APPBP2: variants seen among roughly 807,000 people sequenced by gnomAD.
APPBP2 encodes amyloid protein-binding protein 2.
APPBP2 carries 15 observed loss-of-function variants against 76.0 expected under a neutral mutation model. That is an observed-to-expected ratio of 0.20 (90% CI 0.13 to 0.30). The LOEUF (loss-of-function observed/expected upper bound fraction) is 0.30, where lower values mean the gene tolerates loss of function less well. APPBP2 is among the 10% of genes least tolerant of loss of function. APPBP2 has a pLI of 1.00. For synonymous variants in APPBP2, 222 were observed against 242.2 expected, an observed-to-expected ratio of 0.92 and a Z score of 0.77; for missense variants, 401 against 687.2, an observed-to-expected ratio of 0.58 and a Z score of 4.66.
Position 60,489,095 on chromosome 17 carries a change from G to A in APPBP2, c.379+5371C>T, listed in dbSNP as rs905717836. 3.3e-4 allele frequency among the ~76,000 whole-genome samples: 50 copies of A among 152,028 alleles called. 1 individual carries two copies. Among genetic ancestry groups the A allele is most frequent in the African/African-American group, 1.1e-3 (47 of 41,482 alleles). ...AAATTAGCTGGGTATGGTGGCAGGT[G>A]CCTATAATCCCAGCTACTCGGGAGG... On this transcript the variant is annotated intron_variant, in intron 3 of 12. Transcript: ENST00000083182.
chr17:60,490,038 A>AT (rs1391766001), intron 3 of APPBP2, among the ~76,000 whole-genome samples: 1 of 115,310 alleles, frequency 8.7e-6, no homozygotes, highest in African/African-American at 1.2e-4. Context: ...CCATCTCAGA[A>AT]AACAAAACAA....
chr17:60,521,772 T>C (rs1002322067), intron 1 of APPBP2, among the ~76,000 whole-genome samples: 2 of 150,346 alleles, frequency 1.3e-5, no homozygotes, highest in African/African-American at 5.0e-5. Context: ...CTTAAAACAT[T>C]ATGAGATTTT....
At chr17:60,525,657 G>A (rs983538893) in intron 1 of APPBP2, 137 bp downstream of exon 1, 26 of 1,354,036 alleles carry the variant, frequency 1.9e-5, no homozygotes, top group African/African-American at 1.0e-4. Context: ...TGGCAATGCA[G>A]ACACCGCACC....
chr17:60,489,123 G>A (rs1337220606), intron 3 of APPBP2, among the ~76,000 whole-genome samples: 5 of 152,062 alleles, frequency 3.3e-5, no homozygotes, highest in Non-Finnish European at 7.4e-5. Flanking sequence ...TCGGGAGGCT[G>A]AGGCAGGAGA....
intron 3 of APPBP2, among the ~76,000 whole-genome samples, chr17:60,492,929 C>T (rs2090741842): frequency 6.6e-6 from 1 of 152,156 alleles, no homozygotes; most frequent in Non-Finnish European, 1.5e-5. Flanking sequence ...GCTGTGTCCC[C>T]ACCCAAATCT....
At position 60,494,400 on chromosome 17, in the gene APPBP2, C is replaced by A. The variant is rs182518745; in HGVS notation, c.379+66G>T. On this transcript the variant is annotated intron_variant, in intron 3 of 12. Transcript: ENST00000083182. ...ACTTTGGGAAAGCCCTGGAAGAATT[C>A]TTTGTTAGCAGATTTAATTCTGAGT... 8.3e-6 allele frequency: 13 copies of A among 1,557,742 alleles called. No homozygotes were observed. The African/African-American group carries it at 1.4e-4, about 17-fold the overall frequency.
chr17:60,503,061 G>A (rs1382314827), intron 1 of APPBP2, among the ~76,000 whole-genome samples: 1 of 132,832 alleles, frequency 7.5e-6, no homozygotes, highest in African/African-American at 3.4e-5. Context: ...TCACCAGGTT[G>A]GAGTGCAGTG....
chr17:60,447,849 A>G lies in APPBP2; in HGVS notation c.1505-15T>C. On this transcript the variant is annotated splice_polypyrimidine_tract_variant and intron_variant, in intron 12 of 12. Transcript: ENST00000083182. ...AAGTTTCTTCCCTGTAACAAAAAAG[A>G]AAAAGGAAAAAAAAAAAAGCACAAA... The G allele has an allele frequency of 1.3e-6, 2 of 1,552,612 alleles. No homozygotes were observed. The highest frequency in any genetic ancestry group is 2.4e-5 in the South Asian group (2 of 82,354).
At chr17:60,457,012 C>A (rs2090436287) in intron 9 of APPBP2, among the ~76,000 whole-genome samples, 1 of 151,874 alleles carries the variant, frequency 6.6e-6, no homozygotes, top group Admixed American at 6.6e-5. Flanking sequence ...GTGGTGAACG[C>A]CTGTAATCCC....
At chr17:60,479,078 T>TAAGA (rs2090611058) in intron 4 of APPBP2, 70 bp downstream of exon 4, 1 of 1,474,568 alleles carries the variant, frequency 6.8e-7, no homozygotes, top group Admixed American at 2.2e-5. Flanking sequence ...CATATACTTA[T>TAAGA]AAGAGCTAAA....
At chr17:60,459,600 G>A (rs2090461581) in intron 9 of APPBP2, 1 of 145,942 alleles carries the variant, frequency 6.9e-6, no homozygotes, top group Non-Finnish European at 1.5e-5. Context: ...TCAAGCAATT[G>A]TCTGCCTCAG....
At chr17:60,512,262 C>G (rs2090920178) in intron 1 of APPBP2, among the ~76,000 whole-genome samples, 1 of 151,904 alleles carries the variant, frequency 6.6e-6, no homozygotes, top group Non-Finnish European at 1.5e-5. Flanking sequence ...ACCACCACGC[C>G]CAGCTAATTT....
intron 6 of APPBP2, among the ~76,000 whole-genome samples, chr17:60,462,930 G>A (rs1311766553): frequency 6.1e-5 from 8 of 131,646 alleles, no homozygotes; most frequent in Non-Finnish European, 1.2e-4. Context: ...CAGCCTGGGC[G>A]ACAGCAAGAC....
intron 1 of APPBP2, among the ~76,000 whole-genome samples, chr17:60,525,504 G>T (rs972899211): frequency 1.3e-5 from 2 of 152,266 alleles, no homozygotes; most frequent in South Asian, 4.1e-4. Flanking sequence ...ACAGGGGCGC[G>T]ATAGAGTAAG....
intron 1 of APPBP2, chr17:60,513,457 A>T (rs973754322): frequency 3.2e-6 from 2 of 616,762 alleles, no homozygotes; most frequent in Non-Finnish European, 6.0e-6. Context: ...TTGTACTATA[A>T]TGCCAACAGG....
rs2090335073 is a variant in APPBP2 at position 60,445,090 on chromosome 17, A to G, written c.*2491T>C. 1 of 152,330 alleles carries G rather than the reference A, an allele frequency of 6.6e-6. No homozygotes were observed. The highest frequency in any genetic ancestry group is 1.5e-5 in the Non-Finnish European group (1 of 68,026). The allele number at this position is 152,330 out of a possible 1,614,324, so 9.4% of individuals were successfully genotyped here. A position where few individuals can be genotyped will look rare whatever the true frequency, so the allele number is the denominator to read the frequency against. ...AATCTTACACTTAAAGTCATAGGGTATTATTCTTCATTAGAACCAGAAATA... is the reference window on the plus strand; with the variant it reads ...AATCTTACACTTAAAGTCATAGGGTGTTATTCTTCATTAGAACCAGAAATA... On this transcript the variant is annotated 3_prime_UTR_variant, in exon 13 of 13. Transcript: ENST00000083182.
chr17:60,472,781 C>T (rs2090563046), intron 4 of APPBP2, among the ~76,000 whole-genome samples: 1 of 152,174 alleles, frequency 6.6e-6, no homozygotes, highest in Non-Finnish European at 1.5e-5. Flanking sequence ...TTAACCTACC[C>T]TGGAGGCCCT....
At chr17:60,453,146 CTTT>C (rs1381730467) in intron 11 of APPBP2, among the ~76,000 whole-genome samples, 4 of 152,134 alleles carry the variant, frequency 2.6e-5, no homozygotes, top group East Asian at 1.9e-4. Flanking sequence ...TCATATTTGT[CTTT>C]TTTATTTAAA....
intron 9 of APPBP2, among the ~76,000 whole-genome samples, chr17:60,458,037 A>G (rs2143306695): frequency 6.6e-6 from 1 of 152,342 alleles, no homozygotes; most frequent in Admixed American, 6.5e-5. Flanking sequence ...TATTACATAA[A>G]TGAAATCATA....
Sources: gnomAD v4.1 joint callset for allele counts (sites outside exome capture counted in the v4.1 genomes callset) on GRCh38, gnomAD v4.1.1 for gene constraint, MANE v1.5 for transcripts, NCBI Gene and HGNC (gene_info 2026-07-23, HGNC 2026-07-21) for gene names.